Variants in CA14 observed in about 807,000 individuals in gnomAD.
CA14 encodes carbonic anhydrase 14.
CA14 carries 44 observed loss-of-function variants against 48.8 expected under a neutral mutation model. The observed-to-expected ratio is 0.90, with a 90% CI of 0.71 to 1.16. The LOEUF (loss-of-function observed/expected upper bound fraction) is 1.16, where lower values mean the gene tolerates loss of function less well. CA14 is among the 50% of genes most tolerant of loss of function. CA14 has a pLI of 0.00. For missense variants in CA14, 386 were observed against 401.0 expected, an observed-to-expected ratio of 0.96 and a Z score of 0.32; for synonymous variants, 154 against 155.0, an observed-to-expected ratio of 0.99 and a Z score of 0.05.
rs1553848342 is a variant in CA14, at chr1:150,263,160, G to T, written c.681G>T (p.Trp227Cys). ...TTPPCYQSVL[W>C]TVFYRRSQIS... The stretch of plus-strand genomic sequence containing the variant: ...CCCCTTGCTACCAGAGTGTGCTCTG[G>T]ACAGTTTTTTATAGAAGGTCCCAGA... The change falls in exon 7 of 11, where the codon TGG becomes TGT. Residue 227 changes from tryptophan (W) to cysteine (C), a missense_variant. Transcript: ENST00000369111. The T allele has an allele frequency of 6.2e-7, 1 of 1,614,156 alleles. No individual in the cohort carries two copies. The highest frequency in any genetic ancestry group is 2.2e-5 in the East Asian group (1 of 44,870).
In CA14 at chr1:150,262,625, G is replaced by A. The variant is rs782613568; in HGVS notation, c.495+5G>A. ...GTCCTGGGCATCCTAATTGAGGTCA[G>A]TAGCCCCCAGTCCCTTCCAGGTTTC... On this transcript the variant is annotated splice_donor_5th_base_variant and intron_variant, in intron 5 of 10. Coordinates refer to ENST00000369111, the MANE Select transcript of CA14 (RefSeq NM_012113.3). The A allele has an allele frequency of 6.2e-6, 10 of 1,603,582 alleles. No individual in the cohort carries two copies. In the Admixed American group the frequency reaches 6.7e-5, roughly 11 times the overall value.
intron 3 of CA14, 111 bp downstream of exon 3, chr1:150,261,749 G>A: frequency 4.2e-6 from 4 of 953,544 alleles, no homozygotes; most frequent in Non-Finnish European, 6.2e-6. Flanking sequence ...TGCGTAAGAT[G>A]TGCCGCCCTC....
At chr1:150,260,261 T>C (rs1650896835) in intron 2 of CA14, 90 bp downstream of exon 2, 1 of 1,241,954 alleles carries the variant, frequency 8.1e-7, no homozygotes, top group Non-Finnish European at 1.2e-6. Context: ...GGGAGGAGAC[T>C]TCCTTTACCT....
intron 1 of CA14, 34 bp downstream of exon 1, chr1:150,258,217 T>C: frequency 1.9e-6 from 3 of 1,582,702 alleles, no homozygotes; most frequent in Non-Finnish European, 2.6e-6. Flanking sequence ...TGTGGATTTG[T>C]GCTGATGTTC....
intron 9 of CA14, 43 bp from the exon 10 acceptor site, chr1:150,263,751 A>G: frequency 6.2e-7 from 1 of 1,611,228 alleles, no homozygotes; most frequent in South Asian, 1.1e-5. Context: ...CTCAAAATCT[A>G]TGTTAGTCCT....
intron 4 of CA14, 46 bp from the exon 5 acceptor site, chr1:150,262,479 G>A (rs782748793): frequency 1.9e-6 from 3 of 1,540,360 alleles, no homozygotes; most frequent in Non-Finnish European, 1.8e-6. Context: ...AGGCCTTGAA[G>A]GGGGTGCAGA....
In CA14 at chr1:150,263,851, CTGTT is replaced by C. The variant is rs782071319; in HGVS notation, c.922_925del (p.Val308IlefsTer40). 5 of 1,612,990 alleles carry C rather than the reference CTGTT, an allele frequency of 3.1e-6. No individual in the cohort carries two copies. The highest frequency in any genetic ancestry group is 1.1e-5 in the South Asian group (1 of 91,044). ...GTTGGCTGTCTCTGCCTTCTCCTGG[CTGTT>C]TATTTCATTGCTAGAAAGATTCGGT... On this transcript the variant is annotated frameshift_variant, in exon 10 of 11. Transcript: ENST00000369111. LOFTEE classifies it high-confidence loss of function.
At position 150,263,031 on chromosome 1, in the gene CA14, GT is replaced by G. The variant is rs1411376463; in HGVS notation, c.563-9del. Reference sequence around the variant, plus strand: ...CTGAAAGGAAGATGAGTCCCAGTCTGTTCTCCCCAGATCAGAAGACCTCAGT... The same window carrying G: ...CTGAAAGGAAGATGAGTCCCAGTCTGTCTCCCCAGATCAGAAGACCTCAGT... On this transcript the variant is annotated splice_polypyrimidine_tract_variant and intron_variant, in intron 6 of 10. Coordinates refer to ENST00000369111, the MANE Select transcript of CA14 (RefSeq NM_012113.3). 3 of 1,613,808 alleles carry G rather than the reference GT, an allele frequency of 1.9e-6. No homozygotes were observed. The highest frequency in any genetic ancestry group is 2.5e-6 in the Non-Finnish European group (3 of 1,179,914).
At chr1:150,264,498 C>A in intron 10 of CA14, 95 bp from the exon 11 acceptor site, 1 of 755,932 alleles carries the variant, frequency 1.3e-6, no homozygotes, top group South Asian at 1.6e-5. Context: ...ACACCTTGCC[C>A]AGCCCTCTTT....
chr1:150,261,725 G>A lies in CA14; in HGVS notation c.256+87G>A, dbSNP rs1651050466. The A allele has an allele frequency of 4.7e-6, 6 of 1,263,280 alleles. No homozygotes were observed. In the East Asian group the frequency reaches 7.2e-5, roughly 15 times the overall value. The allele number at this position is 1,263,280 out of a possible 1,614,324, so 78.3% of individuals were successfully genotyped here. ...TTGTAGTTCATGGGCATGATGATGG[G>A]GTGTTCCTGAGCATGCGTAAGATGT... On this transcript the variant is annotated intron_variant, in intron 3 of 10. Coordinates refer to ENST00000369111, the MANE Select transcript of CA14 (RefSeq NM_012113.3).
At position 150,264,733 on chromosome 1, in the gene CA14, G is replaced by A. The variant is rs782313544; in HGVS notation, c.*74G>A. The A allele has an allele frequency of 5.4e-5, 63 of 1,171,144 alleles. 1 individual carries two copies. The South Asian group carries it at 8.2e-4, about 15-fold the overall frequency. 72.5% of individuals were successfully genotyped at this position (1,171,144 alleles called of 1,614,324 possible). A position where few individuals can be genotyped will look rare whatever the true frequency, so the allele number is the denominator to read the frequency against. On this transcript the variant is annotated 3_prime_UTR_variant, in exon 11 of 11. Transcript: ENST00000369111. The stretch of plus-strand genomic sequence containing the variant: ...CAGGAAGCCTCTAAAATGGGGTGTA[G>A]GATCTGGCCAGAAACACTGTAGGAG...
chr1:150,258,239 G>A, intron 1 of CA14, 56 bp downstream of exon 1: 2 of 1,470,766 alleles, frequency 1.4e-6, no homozygotes, highest in Non-Finnish European at 1.9e-6. Flanking sequence ...CATGTCGCCA[G>A]GTGTGCTTAA....
Position 150,263,820 on chromosome 1 carries a change from A to C in CA14, c.889A>C (p.Ile297Leu). Residue 297 changes from isoleucine (I) to leucine (L), a missense_variant, in exon 10 of 11, where the codon ATC becomes CTC. Ile to Leu is a conservative substitution (Grantham distance 5). Transcript: ENST00000369111. ...TGAAATGCTGAGTCTAGGTGTAGGA[A>C]TCTTGGTTGGCTGTCTCTGCCTTCT... is the stretch of plus-strand genomic sequence containing the variant. Reference protein sequence around the residue: ...TGEMLSLGVGILVGCLCLLLA... With the variant: ...TGEMLSLGVGLLVGCLCLLLA... The C allele has an allele frequency of 6.2e-7, 1 of 1,613,786 alleles. No homozygotes were observed. The highest frequency in any genetic ancestry group is 8.5e-7 in the Non-Finnish European group (1 of 1,179,926).
rs893820788 is a variant in CA14, at chr1:150,261,315, G to T, written c.77-144G>T. On this transcript the variant is annotated intron_variant, in intron 2 of 10. Transcript: ENST00000369111. Reference sequence around the variant, plus strand: ...CCTCACCCATCCCTATACAACTGGGGTCTTAACCTGGGTGGAGGGAAGTCC... The same window carrying T: ...CCTCACCCATCCCTATACAACTGGGTTCTTAACCTGGGTGGAGGGAAGTCC... The T allele has an allele frequency of 7.3e-6, 5 of 680,346 alleles. No homozygotes were observed. The Admixed American group carries it at 1.4e-4, about 19-fold the overall frequency. The allele number at this position is 680,346 out of a possible 1,614,324, so 42.1% of individuals were successfully genotyped here.
chr1:150,259,972 C>T (rs900195417), intron 1 of CA14, among the ~76,000 whole-genome samples, 179 bp from the exon 2 acceptor site: 2 of 152,200 alleles, frequency 1.3e-5, no homozygotes, highest in African/African-American at 4.8e-5. Flanking sequence ...ATAGGCCCCC[C>T]GACCTTTCCA....
intron 4 of CA14, 48 bp downstream of exon 4, chr1:150,262,348 G>C: frequency 5.7e-6 from 9 of 1,566,880 alleles, no homozygotes; most frequent in Non-Finnish European, 7.8e-6. Context: ...ACAGGGATGG[G>C]TGGTCCTGGG....
intron 10 of CA14, 97 bp from the exon 11 acceptor site, chr1:150,264,496 C>A: frequency 2.7e-6 from 2 of 745,146 alleles, no homozygotes; most frequent in Non-Finnish European, 4.7e-6. Context: ...AAACACCTTG[C>A]CCAGCCCTCT....
intron 1 of CA14, 34 bp downstream of exon 1, chr1:150,258,217 T>A: frequency 6.3e-7 from 1 of 1,582,702 alleles, no homozygotes; most frequent in Non-Finnish European, 8.7e-7. Flanking sequence ...TGTGGATTTG[T>A]GCTGATGTTC....
chr1:150,262,971 C>T, intron 6 of CA14, 71 bp from the exon 7 acceptor site: 2 of 1,598,848 alleles, frequency 1.3e-6, no homozygotes, highest in Non-Finnish European at 1.7e-6. Context: ...AGGAATTTTG[C>T]TTCTGGGAGC....
Sources: gnomAD v4.1 joint callset for allele counts (sites outside exome capture counted in the v4.1 genomes callset) on GRCh38, gnomAD v4.1.1 for gene constraint, MANE v1.5 for transcripts, NCBI Gene and HGNC (gene_info 2026-07-23, HGNC 2026-07-21) for gene names.